DPYD: variants seen among roughly 807,000 people sequenced by gnomAD.
DPYD encodes dihydropyrimidine dehydrogenase [NADP(+)].
A neutral mutation model predicts 116.2 loss-of-function variants in DPYD; 109 were observed. The ratio of observed to expected loss-of-function variants is 0.94; its 90% CI spans 0.80 to 1.10. The LOEUF is 1.10. Among genes scored for constraint, DPYD ranks in the 50% least tolerant of loss-of-function variants. The pLI is 0.00. For synonymous variants in DPYD, 440 were observed against 432.0 expected (o/e 1.02, Z -0.23); for missense variants, 1,302 against 1,254.5 (o/e 1.04, Z -0.57).
At chr1:97,887,547 T>C (rs1672566528) in intron 1 of DPYD, among the ~76,000 whole-genome samples, 1 of 148,314 alleles carries the variant, frequency 6.7e-6, no homozygotes, top group African/African-American at 2.5e-5. Context: ...GGGTTTAGTG[T>C]CCGGCAAGAA....
chr1:97,528,314 G>A (rs1649301778), intron 12 of DPYD, among the ~76,000 whole-genome samples: 1 of 151,766 alleles, frequency 6.6e-6, no homozygotes, highest in South Asian at 2.1e-4. Flanking sequence ...TCTGATTTGA[G>A]GCTTCAGAAG....
intron 18 of DPYD, among the ~76,000 whole-genome samples, chr1:97,286,056 A>T (rs1428708948): frequency 6.6e-6 from 1 of 152,238 alleles, no homozygotes; most frequent in East Asian, 1.9e-4. Context: ...CAGTGGCTGG[A>T]ACCGGTTGTT....
intron 13 of DPYD, among the ~76,000 whole-genome samples, chr1:97,488,165 TAAA>T (rs1678756673): frequency 6.6e-6 from 1 of 152,158 alleles, no homozygotes; most frequent in African/African-American, 2.4e-5. Context: ...TTATTTTTTT[TAAA>T]AGCCAATTTC....
rs139834413 is a variant in DPYD at position 97,354,552 on chromosome 1, A to C, written c.2058+19009T>G. 3.5e-3 allele frequency among the ~76,000 whole-genome samples: 526 copies of C among 152,322 alleles called. 2 individuals are homozygous for C. The highest frequency in any genetic ancestry group is 0.012 in the African/African-American group (510 of 41,572). ...ATTCTGGACAAGGACAAACATATTT[A>C]GGTTGGAGAAATCAGACATGTGAAG... On this transcript the variant is annotated intron_variant, in intron 16 of 22. Coordinates refer to ENST00000370192, the MANE Select transcript of DPYD (RefSeq NM_000110.4).
intron 8 of DPYD, among the ~76,000 whole-genome samples, chr1:97,620,092 T>C (rs943821651): frequency 6.6e-6 from 1 of 151,956 alleles, no homozygotes; most frequent in Non-Finnish European, 1.5e-5. Flanking sequence ...TACACTCAGA[T>C]TCCAGTGAGA....
chr1:97,535,177 T>C (rs1282927762), intron 12 of DPYD, among the ~76,000 whole-genome samples: 1 of 152,152 alleles, frequency 6.6e-6, no homozygotes, highest in Non-Finnish European at 1.5e-5. Context: ...TGGATATTTT[T>C]TGATCTGATC....
chr1:97,826,660 GT>G (rs1669259201), intron 3 of DPYD, among the ~76,000 whole-genome samples: 1 of 152,032 alleles, frequency 6.6e-6, no homozygotes, highest in Non-Finnish European at 1.5e-5. Context: ...ACTATGTATG[GT>G]GAAAATTAGA....
chr1:97,763,636 C>G (rs1465701857), intron 3 of DPYD, among the ~76,000 whole-genome samples: 1 of 152,006 alleles, frequency 6.6e-6, no homozygotes, highest in Non-Finnish European at 1.5e-5. Flanking sequence ...ATTTGTTGAA[C>G]TCACCTGAAT....
chr1:97,492,966 C>T (rs1173948378), intron 13 of DPYD, among the ~76,000 whole-genome samples: 1 of 152,046 alleles, frequency 6.6e-6, no homozygotes, highest in African/African-American at 2.4e-5. Flanking sequence ...GCTAATGATA[C>T]CGAAGGGGAA....
chr1:97,620,983 A>G (rs893660802), intron 8 of DPYD, among the ~76,000 whole-genome samples: 1 of 152,300 alleles, frequency 6.6e-6, no homozygotes, highest in East Asian at 1.9e-4. Context: ...AACAATCAGC[A>G]TATTTGTACA....
intron 3 of DPYD, among the ~76,000 whole-genome samples, chr1:97,767,797 G>A (rs1665947343): frequency 7.9e-6 from 1 of 126,908 alleles, no homozygotes; most frequent in Admixed American, 9.4e-5. Context: ...CACATGCAAT[G>A]ATCCCCTGCA....
At chr1:97,124,475 G>T (rs1254669307) in intron 20 of DPYD, among the ~76,000 whole-genome samples, 1 of 152,066 alleles carries the variant, frequency 6.6e-6, no homozygotes, top group East Asian at 1.9e-4. Context: ...GAAACAAAAG[G>T]ACTAGATTTA....
chr1:97,174,173 C>T (rs1180992461), intron 20 of DPYD, among the ~76,000 whole-genome samples: 1 of 152,096 alleles, frequency 6.6e-6, no homozygotes, highest in Non-Finnish European at 1.5e-5. Flanking sequence ...TCCAGCCCTG[C>T]ATGTAATATC....
At chr1:97,867,421 T>C (rs1249041126) in intron 2 of DPYD, among the ~76,000 whole-genome samples, 1 of 151,820 alleles carries the variant, frequency 6.6e-6, no homozygotes, top group Non-Finnish European at 1.5e-5. Context: ...GAAGGAAAGA[T>C]TTGAGTTGTA....
At chr1:97,813,872 T>C (rs1668443837) in intron 3 of DPYD, among the ~76,000 whole-genome samples, 1 of 150,990 alleles carries the variant, frequency 6.6e-6, no homozygotes, top group Admixed American at 6.6e-5. Context: ...TAAAGTGTAC[T>C]GACAAAGTAC....
chr1:97,258,543 C>T (rs1354015671), intron 18 of DPYD, among the ~76,000 whole-genome samples: 2 of 152,136 alleles, frequency 1.3e-5, no homozygotes, highest in Non-Finnish European at 2.9e-5. Context: ...TTCCTCCTCC[C>T]TGATGTCTAT....
At chr1:97,709,244 A>G (rs1316236378) in intron 5 of DPYD, among the ~76,000 whole-genome samples, 1 of 151,946 alleles carries the variant, frequency 6.6e-6, no homozygotes, top group Non-Finnish European at 1.5e-5. Context: ...GATGAATTTC[A>G]AAATTCCTGG....
chr1:97,861,326 C>T (rs1181414573), intron 2 of DPYD, among the ~76,000 whole-genome samples: 2 of 151,692 alleles, frequency 1.3e-5, no homozygotes, highest in South Asian at 2.1e-4. Flanking sequence ...TAAAGACTTA[C>T]CAAGTTTTAC....
intron 18 of DPYD, among the ~76,000 whole-genome samples, chr1:97,267,683 T>C (rs1664323965): frequency 6.6e-6 from 1 of 152,084 alleles, no homozygotes; most frequent in Non-Finnish European, 1.5e-5. Context: ...CATTAATCCA[T>C]TCATGAGGGT....
Sources: allele counts gnomAD v4.1 joint callset (sites outside exome capture counted in the v4.1 genomes callset), GRCh38; gene constraint gnomAD v4.1.1; transcripts MANE v1.5; gene names NCBI Gene and HGNC (gene_info 2026-07-23, HGNC 2026-07-21).